SPECC1: variants seen among roughly 807,000 people sequenced by gnomAD.
The protein encoded by SPECC1 is cytospin-B.
Under a neutral mutation model 104.1 loss-of-function variants are expected in SPECC1, and 62 were observed. That is an observed-to-expected ratio of 0.60 (90% CI 0.49 to 0.74). The LOEUF (loss-of-function observed/expected upper bound fraction) is 0.74, where lower values mean the gene tolerates loss of function less well. Ranked by LOEUF, SPECC1 falls within the 30% of genes least tolerant of loss-of-function variation. The probability of loss-of-function intolerance (pLI) is 0.00; values close to 1 mark genes in which losing one functional copy is unlikely to be tolerated. For synonymous variants in SPECC1, 513 were observed against 501.6 expected (o/e 1.02, Z -0.30); for missense variants, 1,306 against 1,310.5 (o/e 1.00, Z 0.05).
intron 3 of SPECC1, among the ~76,000 whole-genome samples, chr17:20,193,468 G>C (rs1453523638): frequency 1.3e-5 from 2 of 152,150 alleles, no homozygotes; most frequent in African/African-American, 2.4e-5. Context: ...GTTGCGGAGG[G>C]ATGAAGATTC....
chr17:20,259,738 T>C (rs538612737), intron 11 of SPECC1, among the ~76,000 whole-genome samples: 1 of 152,236 alleles, frequency 6.6e-6, no homozygotes, highest in Admixed American at 6.5e-5. Context: ...TCTTGAACTC[T>C]TGGGCTCAAG....
intron 12 of SPECC1, among the ~76,000 whole-genome samples, chr17:20,287,423 CAAAAAAAAAAAAA>C (rs61713120): frequency 1.0e-4 from 10 of 98,056 alleles, no homozygotes; most frequent in African/African-American, 3.3e-4. Context: ...GACTCCGTCT[CAAAAAAAAAAAAA>C]AAAAAAAAAA....
chr17:20,036,761 A>G (rs9914429), intron 1 of SPECC1, among the ~76,000 whole-genome samples: 10,512 of 152,158 alleles, frequency 0.069, 986 homozygotes, highest in African/African-American at 0.21. Context: ...AAACAGGAAC[A>G]GTTTTATTTC....
chr17:20,045,486 T>C lies in SPECC1; in HGVS notation c.-22+36062T>C, dbSNP rs181198741. On this transcript the variant is annotated intron_variant, in intron 1 of 14. Coordinates refer to ENST00000395527, the MANE Select transcript of SPECC1 (RefSeq NM_001243439.2). ...TGGATATTTATGTTTTGCCAGTTGT[T>C]CTAAAGAGTTGGTTAATTTGCAGGG... is the stretch of plus-strand genomic sequence containing the variant. 1.2e-4 allele frequency among the ~76,000 whole-genome samples: 19 copies of C among 152,350 alleles called. No homozygotes were observed. In the East Asian group the frequency reaches 3.7e-3, roughly 29 times the overall value.
chr17:20,296,880 C>CAATTTTGTGCAAG lies in SPECC1; in HGVS notation c.2941-80_2941-79insATTTTGTGCAAGA. ...TGCACATTGATTTTGTGTAGATTCC[C>CAATTTTGTGCAAG]ATCTTATCACAATCTTCCTCATCTG... On this transcript the variant is annotated intron_variant, in intron 12 of 14. Transcript: ENST00000395527. 3 of 1,289,452 alleles carry CAATTTTGTGCAAG rather than the reference C, an allele frequency of 2.3e-6. No homozygotes were observed. The East Asian group carries it at 7.1e-5, about 31-fold the overall frequency. 79.9% of individuals were successfully genotyped at this position (1,289,452 alleles called of 1,614,324 possible). A position where few individuals can be genotyped will look rare whatever the true frequency, so the allele number is the denominator to read the frequency against.
chr17:20,013,798 G>A (rs560124056), intron 1 of SPECC1, among the ~76,000 whole-genome samples: 2 of 152,112 alleles, frequency 1.3e-5, no homozygotes, highest in Non-Finnish European at 2.9e-5. Context: ...CCACTGTGCC[G>A]AGCTGGTTCA....
chr17:20,215,002 GT>G (rs1380682149), intron 4 of SPECC1, among the ~76,000 whole-genome samples: 1 of 152,222 alleles, frequency 6.6e-6, no homozygotes, highest in African/African-American at 2.4e-5. Context: ...AGAAGGGAGC[GT>G]TATCTGCTGG....
chr17:20,192,735 C>T (rs1242542792), intron 3 of SPECC1, among the ~76,000 whole-genome samples: 2 of 152,144 alleles, frequency 1.3e-5, no homozygotes, highest in East Asian at 1.9e-4. Context: ...AATAGTCTTG[C>T]ATGTTCTGTG....
chr17:20,117,237 A>T (rs1279374153), intron 3 of SPECC1, among the ~76,000 whole-genome samples: 1 of 152,168 alleles, frequency 6.6e-6, no homozygotes, highest in Non-Finnish European at 1.5e-5. Flanking sequence ...CCATCAAAAT[A>T]AATTCTAGGA....
At chr17:20,031,840 T>TC (rs1360208171) in intron 1 of SPECC1, among the ~76,000 whole-genome samples, 1 of 152,214 alleles carries the variant, frequency 6.6e-6, no homozygotes, top group African/African-American at 2.4e-5. Context: ...AGAATTTCAT[T>TC]CCTTTTTAAT....
intron 3 of SPECC1, among the ~76,000 whole-genome samples, chr17:20,195,430 C>G (rs1258795250): frequency 1.3e-5 from 2 of 152,156 alleles, no homozygotes; most frequent in East Asian, 1.9e-4. Context: ...ATACCAATAA[C>G]ACATTTATGT....
In SPECC1 at chr17:20,245,917, G is replaced by A; in HGVS notation, c.2352-9G>A. ...ATCTTTTCAATCTGATTTGCTCTTT[G>A]CCATGCAGACCTGTGGATGAAGAGC... On this transcript the variant is annotated splice_polypyrimidine_tract_variant and intron_variant, in intron 7 of 14. Coordinates refer to ENST00000395527, the MANE Select transcript of SPECC1 (RefSeq NM_001243439.2). 1 of 1,613,752 alleles carries A rather than the reference G, an allele frequency of 6.2e-7. No homozygotes were observed. The highest frequency in any genetic ancestry group is 1.1e-5 in the South Asian group (1 of 91,048).
rs560925398 is a variant in SPECC1, at chr17:20,168,921, G to T, written c.284-35412G>T. On this transcript the variant is annotated intron_variant, in intron 3 of 14. Transcript: ENST00000395527. Reference sequence around the variant, plus strand: ...AGGGTCTTGCTCTGTCATCCAGGCTGGAGTACAGTGGTGCTATCTGGGCTC... The same window carrying T: ...AGGGTCTTGCTCTGTCATCCAGGCTTGAGTACAGTGGTGCTATCTGGGCTC... 2.0e-5 allele frequency among the ~76,000 whole-genome samples: 3 copies of T among 152,292 alleles called. No homozygotes were observed. The South Asian group carries it at 6.2e-4, about 32-fold the overall frequency.
intron 3 of SPECC1, among the ~76,000 whole-genome samples, chr17:20,170,925 A>T (rs1374509595): frequency 1.3e-5 from 2 of 152,166 alleles, no homozygotes; most frequent in Non-Finnish European, 2.9e-5. Context: ...CAGAGAATTC[A>T]TCTCTTTCTC....
chr17:20,217,029 C>G (rs2151413150), intron 4 of SPECC1, among the ~76,000 whole-genome samples: 1 of 152,168 alleles, frequency 6.6e-6, no homozygotes, highest in South Asian at 2.1e-4. Context: ...TGCAAAGGAG[C>G]TGGCCAGCAG....
At chr17:20,115,011 T>G (rs1244424949) in intron 3 of SPECC1, among the ~76,000 whole-genome samples, 4 of 152,228 alleles carry the variant, frequency 2.6e-5, no homozygotes, top group Non-Finnish European at 5.9e-5. Flanking sequence ...TTCACTCACT[T>G]AAAGGTACCT....
chr17:20,197,963 A>G (rs1267281495), intron 3 of SPECC1, among the ~76,000 whole-genome samples: 1 of 152,100 alleles, frequency 6.6e-6, no homozygotes, highest in Non-Finnish European at 1.5e-5. Context: ...GTTTGCATAG[A>G]GAGTGAGAAG....
chr17:20,131,566 T>A (rs1176406215), intron 3 of SPECC1, among the ~76,000 whole-genome samples: 1 of 152,028 alleles, frequency 6.6e-6, no homozygotes, highest in Admixed American at 6.6e-5. Context: ...TTTAACACTA[T>A]ATTGAATAAA....
intron 12 of SPECC1, among the ~76,000 whole-genome samples, chr17:20,260,692 C>G (rs1276852733): frequency 1.3e-5 from 2 of 152,204 alleles, no homozygotes; most frequent in Admixed American, 6.5e-5. Flanking sequence ...ATCCCTCAGG[C>G]ATGAGGGAGG....
Sources: gnomAD v4.1 joint callset for allele counts (sites outside exome capture counted in the v4.1 genomes callset) on GRCh38, gnomAD v4.1.1 for gene constraint, MANE v1.5 for transcripts, NCBI Gene and HGNC (gene_info 2026-07-23, HGNC 2026-07-21) for gene names.